CCDC85A: variants seen among roughly 807,000 people sequenced by gnomAD.
CCDC85A encodes the protein coiled-coil domain-containing protein 85A.
CCDC85A carries 38 observed loss-of-function variants against 50.2 expected under a neutral mutation model. That is an observed-to-expected ratio of 0.76 (90% confidence interval 0.58 to 0.99). The LOEUF (loss-of-function observed/expected upper bound fraction) is 0.99. Among genes scored for constraint, CCDC85A ranks in the 50% least tolerant of loss-of-function variants. The pLI, the probability that CCDC85A is intolerant of heterozygous loss-of-function variation, is 0.00. For synonymous variants in CCDC85A, 366 were observed against 301.4 expected, an observed-to-expected ratio of 1.21 and a Z score of -2.22; for missense variants, 820 against 742.0, an observed-to-expected ratio of 1.11 and a Z score of -1.22.
intron 2 of CCDC85A, among the ~76,000 whole-genome samples, chr2:56,325,525 CAAAAATAATGTT>C (rs996192002): frequency 1.3e-5 from 2 of 151,904 alleles, no homozygotes; most frequent in African/African-American, 4.8e-5. Flanking sequence ...TGTTATCCAC[CAAAAATAATGTT>C]AACAGTATTG....
At chr2:56,219,902 G>A (rs529229287) in intron 2 of CCDC85A, among the ~76,000 whole-genome samples, 1 of 151,986 alleles carries the variant, frequency 6.6e-6, no homozygotes, top group South Asian at 2.1e-4. Flanking sequence ...TAGTAGAAAC[G>A]ACAGAGCCAG....
At chr2:56,197,145 G>A (rs965923077) in intron 2 of CCDC85A, among the ~76,000 whole-genome samples, 2 of 152,070 alleles carry the variant, frequency 1.3e-5, no homozygotes, top group African/African-American at 4.8e-5. Context: ...GTTTTGTGAG[G>A]GTATCTCTCG....
intron 3 of CCDC85A, among the ~76,000 whole-genome samples, chr2:56,345,652 CAATA>C (rs973275188): frequency 1.3e-5 from 2 of 152,094 alleles, no homozygotes; most frequent in Non-Finnish European, 2.9e-5. Context: ...GGATGGAACA[CAATA>C]AATGGATGTC....
intron 3 of CCDC85A, among the ~76,000 whole-genome samples, chr2:56,371,934 G>A (rs1257241768): frequency 3.9e-5 from 6 of 151,972 alleles, no homozygotes; most frequent in South Asian, 4.1e-4. Flanking sequence ...AGGGCATAGT[G>A]CTCCCAATTG....
intron 2 of CCDC85A, among the ~76,000 whole-genome samples, chr2:56,196,781 T>C (rs1379198876): frequency 6.6e-6 from 1 of 151,918 alleles, no homozygotes; most frequent in Non-Finnish European, 1.5e-5. Context: ...AAAAATAGTT[T>C]GATATTAATT....
At chr2:56,240,132 C>T (rs1435652970) in intron 2 of CCDC85A, among the ~76,000 whole-genome samples, 1 of 152,030 alleles carries the variant, frequency 6.6e-6, no homozygotes, top group African/African-American at 2.4e-5. Flanking sequence ...TTTCATCATC[C>T]CAAAAAGAGA....
chr2:56,262,313 A>G (rs1274982113), intron 2 of CCDC85A, among the ~76,000 whole-genome samples: 1 of 152,184 alleles, frequency 6.6e-6, no homozygotes, highest in Non-Finnish European at 1.5e-5. Flanking sequence ...ATAGGAGTGC[A>G]TCAGATGTTC....
At chr2:56,270,910 AAGT>A (rs774272056) in intron 2 of CCDC85A, among the ~76,000 whole-genome samples, 1 of 152,192 alleles carries the variant, frequency 6.6e-6, no homozygotes, top group Non-Finnish European at 1.5e-5. Flanking sequence ...ATACATAATC[AAGT>A]GCCTTTTCTG....
intron 1 of CCDC85A, 149 bp downstream of exon 1, chr2:56,185,049 C>A: frequency 2.0e-6 from 2 of 988,032 alleles, no homozygotes; most frequent in Non-Finnish European, 2.8e-6. Context: ...GTCCCCAGCC[C>A]CTGTGTAACT....
At chr2:56,282,541 C>G (rs1671250104) in intron 2 of CCDC85A, among the ~76,000 whole-genome samples, 1 of 152,176 alleles carries the variant, frequency 6.6e-6, no homozygotes, top group South Asian at 2.1e-4. Flanking sequence ...TGGAGTCTAG[C>G]TGTTGTTGCC....
intron 2 of CCDC85A, among the ~76,000 whole-genome samples, chr2:56,235,985 G>C (rs1233960770): frequency 6.6e-6 from 1 of 152,086 alleles, no homozygotes; most frequent in Non-Finnish European, 1.5e-5. Context: ...CAACTAGCAA[G>C]GGATCAAAGG....
At chr2:56,285,440 T>C (rs1317213173) in intron 2 of CCDC85A, among the ~76,000 whole-genome samples, 2 of 143,618 alleles carry the variant, frequency 1.4e-5, no homozygotes, top group Admixed American at 1.4e-4. Context: ...CGATTAATTA[T>C]ATTAATAATA....
chr2:56,330,273 A>G (rs1259688124), intron 2 of CCDC85A, among the ~76,000 whole-genome samples: 1 of 152,062 alleles, frequency 6.6e-6, no homozygotes, highest in East Asian at 1.9e-4. Context: ...CGCCCAATTT[A>G]TTGCCACCTT....
At chr2:56,277,257 G>A (rs1323300656) in intron 2 of CCDC85A, among the ~76,000 whole-genome samples, 2 of 152,104 alleles carry the variant, frequency 1.3e-5, no homozygotes, top group Non-Finnish European at 2.9e-5. Context: ...TAAAATTTAA[G>A]AATCATCTTT....
At chr2:56,258,762 A>T (rs1364539354) in intron 2 of CCDC85A, among the ~76,000 whole-genome samples, 1 of 152,206 alleles carries the variant, frequency 6.6e-6, no homozygotes, top group African/African-American at 2.4e-5. Context: ...GTTTGGCTTG[A>T]TGAGGAGAGG....
chr2:56,363,266 T>G (rs1675626341), intron 3 of CCDC85A, among the ~76,000 whole-genome samples: 1 of 152,170 alleles, frequency 6.6e-6, no homozygotes, highest in African/African-American at 2.4e-5. Context: ...GGATTTCATT[T>G]TTCCCTGCCA....
intron 2 of CCDC85A, among the ~76,000 whole-genome samples, chr2:56,235,785 G>A (rs984243863): frequency 6.6e-6 from 1 of 152,184 alleles, no homozygotes; most frequent in African/African-American, 2.4e-5. Context: ...TGTAAAATGT[G>A]GGTGGAGAGT....
At chr2:56,238,125 G>A (rs564319023) in intron 2 of CCDC85A, among the ~76,000 whole-genome samples, 1 of 152,218 alleles carries the variant, frequency 6.6e-6, no homozygotes, top group East Asian at 1.9e-4. Flanking sequence ...GACGGTAGCA[G>A]GATAGTATAA....
intron 2 of CCDC85A, among the ~76,000 whole-genome samples, chr2:56,210,740 T>C (rs1677149791): frequency 6.6e-6 from 1 of 151,932 alleles, no homozygotes; most frequent in African/African-American, 2.4e-5. Flanking sequence ...CTCAGGATAG[T>C]CAGGGCTCCT....
Sources: gnomAD v4.1 joint callset for allele counts (sites outside exome capture counted in the v4.1 genomes callset) on GRCh38, gnomAD v4.1.1 for gene constraint, MANE v1.5 for transcripts, NCBI Gene and HGNC (gene_info 2026-07-23, HGNC 2026-07-21) for gene names.